EMSY: variants seen among roughly 807,000 people sequenced by gnomAD.
EMSY encodes the protein BRCA2-interacting transcriptional repressor EMSY.
A neutral mutation model predicts 134.6 loss-of-function variants in EMSY; 26 were observed. That is an observed-to-expected ratio of 0.19 (90% CI 0.14 to 0.27). The LOEUF is 0.27. Among genes scored for constraint, EMSY ranks in the 10% least tolerant of loss-of-function variants. EMSY has a pLI of 1.00. For synonymous variants in EMSY, 579 were observed against 577.8 expected, an observed-to-expected ratio of 1.00 and a Z score of -0.03; for missense variants, 1,305 against 1,611.4, an observed-to-expected ratio of 0.81 and a Z score of 3.26.
At chr11:76,527,833 G>T (rs1950898788) in intron 13 of EMSY, among the ~76,000 whole-genome samples, 1 of 151,884 alleles carries the variant, frequency 6.6e-6, no homozygotes, top group South Asian at 2.1e-4. Flanking sequence ...ACAGATTAGG[G>T]TTTTATTTTT....
chr11:76,466,385 T>C (rs1297014588), intron 7 of EMSY, among the ~76,000 whole-genome samples: 1 of 152,334 alleles, frequency 6.6e-6, no homozygotes, highest in East Asian at 1.9e-4. Flanking sequence ...CTCTTAGATA[T>C]GCTTAATCCA....
At chr11:76,545,010 T>C (rs1460604354) in intron 19 of EMSY, 188 bp downstream of exon 20, 1 of 662,612 alleles carries the variant, frequency 1.5e-6, no homozygotes, top group South Asian at 2.2e-5. Flanking sequence ...CGCATTAATA[T>C]GTAGGAAGAA....
At chr11:76,472,442 C>G (rs1948611248) in intron 7 of EMSY, 122 bp from the exon 9 acceptor site, 2 of 913,536 alleles carry the variant, frequency 2.2e-6, no homozygotes, top group Admixed American at 6.0e-5. Flanking sequence ...GTTGTATATT[C>G]TCTGTTGAAT....
intron 16 of EMSY, 98 bp downstream of exon 17, chr11:76,538,048 T>C: frequency 8.8e-7 from 1 of 1,135,222 alleles, no homozygotes; most frequent in East Asian, 2.9e-5. Context: ...TTTATATTTT[T>C]AGCTTTTTCC....
intron 11 of EMSY, among the ~76,000 whole-genome samples, chr11:76,522,498 G>A (rs1383931500): frequency 6.6e-6 from 1 of 151,010 alleles, no homozygotes; most frequent in African/African-American, 2.4e-5. Context: ...CTCCCAAGTA[G>A]CTGGGATTAC....
At chr11:76,540,162 A>G (rs1951381163) in intron 17 of EMSY, among the ~76,000 whole-genome samples, 1 of 152,224 alleles carries the variant, frequency 6.6e-6, no homozygotes, top group Non-Finnish European at 1.5e-5. Context: ...TAATAAAAAA[A>G]TGCTTAATGT....
At chr11:76,510,759 C>G (rs1950246144) in intron 9 of EMSY, among the ~76,000 whole-genome samples, 1 of 152,196 alleles carries the variant, frequency 6.6e-6, no homozygotes, top group Non-Finnish European at 1.5e-5. Context: ...ATGATATAAT[C>G]TGAAGTCTGG....
intron 9 of EMSY, among the ~76,000 whole-genome samples, chr11:76,508,853 C>A (rs932579345): frequency 1.3e-5 from 2 of 152,156 alleles, no homozygotes; most frequent in Admixed American, 6.5e-5. Flanking sequence ...TCTGCAGATT[C>A]CTCACTCTCC....
intron 6 of EMSY, chr11:76,460,571 T>A (rs1948068493): frequency 6.6e-6 from 1 of 152,394 alleles, no homozygotes; most frequent in South Asian, 2.1e-4. Context: ...TTGTAGTTTT[T>A]AATTCCTTGA....
intron 17 of EMSY, among the ~76,000 whole-genome samples, chr11:76,540,405 A>G (rs943924563): frequency 2.6e-5 from 4 of 152,028 alleles, no homozygotes; most frequent in African/African-American, 9.7e-5. Flanking sequence ...TTTTTCGATT[A>G]TGTTGAGCAC....
At chr11:76,486,642 C>G (rs1281928579) in intron 8 of EMSY, among the ~76,000 whole-genome samples, 1 of 152,194 alleles carries the variant, frequency 6.6e-6, no homozygotes, top group East Asian at 1.9e-4. Context: ...AAAAAATGAT[C>G]TCTGACCTCT....
At chr11:76,516,480 T>C (rs183430545) in intron 11 of EMSY, 168 bp downstream of exon 12, 2 of 446,428 alleles carry the variant, frequency 4.5e-6, no homozygotes, top group East Asian at 7.1e-5. Context: ...AGTTTTAATA[T>C]TCAATATTCA....
chr11:76,522,381 T>C (rs901364064), intron 11 of EMSY, among the ~76,000 whole-genome samples: 49 of 126,758 alleles, frequency 3.9e-4, no homozygotes, highest in African/African-American at 1.4e-3. Context: ...TTTTTTTTTT[T>C]TCTTGAGATC....
At chr11:76,523,673 A>G (rs948780810) in intron 12 of EMSY, among the ~76,000 whole-genome samples, 1 of 148,376 alleles carries the variant, frequency 6.7e-6, no homozygotes, top group African/African-American at 2.5e-5. Context: ...TGGGATTAAG[A>G]CTAAATTAAT....
chr11:76,481,587 T>C (rs974654556), intron 8 of EMSY, among the ~76,000 whole-genome samples: 2 of 152,094 alleles, frequency 1.3e-5, no homozygotes, highest in Non-Finnish European at 2.9e-5. Context: ...TACTTAGGCT[T>C]GAGTAGGTGG....
At chr11:76,537,711 C>A (rs568038221) in intron 15 of EMSY, 84 bp from the exon 17 acceptor site, 6 of 1,271,078 alleles carry the variant, frequency 4.7e-6, no homozygotes, top group Admixed American at 2.3e-5. Flanking sequence ...CCCCAGAGGT[C>A]TGGTTCATTA....
intron 14 of EMSY, among the ~76,000 whole-genome samples, chr11:76,531,161 A>G (rs1049534288): frequency 3.9e-5 from 6 of 152,248 alleles, no homozygotes; most frequent in Middle Eastern, 3.4e-3. Context: ...TTGTAGGCCT[A>G]TATTTCTTAA....
intron 14 of EMSY, among the ~76,000 whole-genome samples, chr11:76,532,585 G>A (rs1022043156): frequency 2.6e-5 from 4 of 151,988 alleles, no homozygotes; most frequent in East Asian, 1.9e-4. Context: ...AGCCTAGAAC[G>A]TATTTGGGAA....
intron 9 of EMSY, chr11:76,497,370 G>A (rs1382469507): frequency 6.6e-6 from 1 of 152,170 alleles, no homozygotes; most frequent in Non-Finnish European, 1.5e-5. Flanking sequence ...GCCTCATAAG[G>A]TGAGTTTGGA....
Sources: gnomAD v4.1 joint callset for allele counts (sites outside exome capture counted in the v4.1 genomes callset) on GRCh38, gnomAD v4.1.1 for gene constraint, MANE v1.5 for transcripts, NCBI Gene and HGNC (gene_info 2026-07-23, HGNC 2026-07-21) for gene names.